CASR: variants seen among roughly 807,000 people sequenced by gnomAD.
The protein encoded by CASR is calcium sensing receptor, also known as extracellular calcium-sensing receptor.
CASR carries 23 observed loss-of-function variants against 69.1 expected under a neutral mutation model. The ratio of observed to expected loss-of-function variants is 0.33; its 90% confidence interval spans 0.24 to 0.47. The LOEUF (loss-of-function observed/expected upper bound fraction) is 0.47, where lower values mean the gene tolerates loss of function less well. Ranked by LOEUF, CASR falls within the 20% of genes least tolerant of loss-of-function variation. The pLI is 1.00. For synonymous variants in CASR, 541 were observed against 544.7 expected (o/e 0.99, Z 0.10); for missense variants, 924 against 1,356.1 (o/e 0.68, Z 5.00).
chr3:122,284,784 C>T lies in CASR; in HGVS notation c.2830C>T (p.Gln944Ter). The change falls in exon 7 of 7, where the codon CAG becomes TAG. Residue 944 changes from glutamine to a stop codon, truncating the protein, a stop_gained. Transcript: ENST00000639785. LOFTEE classifies it low-confidence loss of function (END_TRUNC). ...GCTGGCCCTAACCCAGCAAGAGCAG[C>T]AGCAGCAGCCCCTGACCCTCCCACA... ...QPLALTQQEQ[Q>*]QQPLTLPQQQ... 6.2e-7 allele frequency: 1 copy of T among 1,614,164 alleles called. No individual in the cohort carries two copies. Among genetic ancestry groups the T allele is most frequent in the Non-Finnish European group, 8.5e-7 (1 of 1,180,026 alleles).
chr3:122,188,239 G>A (rs777394272), intron 1 of CASR, among the ~76,000 whole-genome samples: 23 of 152,166 alleles, frequency 1.5e-4, no homozygotes, highest in Non-Finnish European at 2.8e-4. Flanking sequence ...GAACCATGGC[G>A]GTCATGGCAG....
At chr3:122,252,336 GAA>G (rs1302920422) in intron 1 of CASR, among the ~76,000 whole-genome samples, 1 of 36,032 alleles carries the variant, frequency 2.8e-5, no homozygotes, top group Non-Finnish European at 6.0e-5. Context: ...GAAAGAGAGA[GAA>G]AGAAAGAAGA....
intron 5 of CASR, among the ~76,000 whole-genome samples, chr3:122,279,706 C>T (rs778163536): frequency 6.6e-6 from 1 of 152,170 alleles, no homozygotes; most frequent in Non-Finnish European, 1.5e-5. Flanking sequence ...GTTTTAACCT[C>T]TCAGGTTAAA....
chr3:122,275,922 C>A lies in CASR; in HGVS notation c.1488C>A (p.Leu496=). 2 of 1,613,898 alleles carry A rather than the reference C, an allele frequency of 1.2e-6. No individual in the cohort carries two copies. Among genetic ancestry groups the A allele is most frequent in the Non-Finnish European group, 1.7e-6 (2 of 1,179,754 alleles). Residue 496 remains leucine, a synonymous_variant, in exon 5 of 7, where the codon CTC becomes CTA. Transcript: ENST00000639785. ...VGNYSIINWH[L]SPEDGSIVFK... is the part of the protein sequence containing the mutation. ...ACTATTCCATCATCAACTGGCACCT[C>A]TCCCCAGAGGATGGCTCCATCGTGT...
chr3:122,185,465 G>T (rs2073769442), intron 1 of CASR, among the ~76,000 whole-genome samples: 1 of 152,206 alleles, frequency 6.6e-6, no homozygotes. Flanking sequence ...AATTATCCCA[G>T]AGATTTGAAG....
At chr3:122,252,175 T>C (rs1045780165) in intron 1 of CASR, among the ~76,000 whole-genome samples, 2 of 151,508 alleles carry the variant, frequency 1.3e-5, no homozygotes, top group African/African-American at 4.8e-5. Flanking sequence ...AGCATGTGTT[T>C]GTAGTCCCAG....
chr3:122,259,907 GA>G (rs1277422312), intron 3 of CASR, among the ~76,000 whole-genome samples: 1 of 152,180 alleles, frequency 6.6e-6, no homozygotes, highest in Non-Finnish European at 1.5e-5. Context: ...AATGGTGAAA[GA>G]TATTAAAAAG....
chr3:122,284,803 T>C lies in CASR; in HGVS notation c.2849T>C (p.Leu950Pro), dbSNP rs753866409. 3.7e-6 allele frequency: 6 copies of C among 1,613,772 alleles called. No homozygotes were observed. The highest frequency in any genetic ancestry group is 8.5e-7 in the Non-Finnish European group (1 of 1,180,000). ...QQEQQQQPLTLPQQQRSQQQP... is the reference protein window; with the variant it reads ...QQEQQQQPLTPPQQQRSQQQP... ...GAGCAGCAGCAGCAGCCCCTGACCC[T>C]CCCACAGCAGCAACGATCTCAGCAG... Residue 950 changes from leucine (L) to proline (P), a missense_variant, in exon 7 of 7, where the codon CTC becomes CCC. By Grantham distance (98) the Leu-to-Pro change is moderately conservative. Around this residue, in one of 8 missense-constraint regions of CASR, gnomAD observed 201 missense variants for 228.8 expected, o/e 0.88. Coordinates refer to ENST00000639785, the MANE Select transcript of CASR (RefSeq NM_000388.4).
At chr3:122,186,655 A>G (rs905952115) in intron 1 of CASR, among the ~76,000 whole-genome samples, 1 of 152,216 alleles carries the variant, frequency 6.6e-6, no homozygotes, top group Non-Finnish European at 1.5e-5. Context: ...AAACTAAGAT[A>G]AACTGTCTGA....
At chr3:122,187,502 A>C (rs1465768986) in intron 1 of CASR, among the ~76,000 whole-genome samples, 1 of 152,244 alleles carries the variant, frequency 6.6e-6, no homozygotes, top group Non-Finnish European at 1.5e-5. Context: ...AGTTCATAGA[A>C]GTCTGAGAGG....
chr3:122,214,035 A>G (rs999221432), intron 1 of CASR, among the ~76,000 whole-genome samples: 1 of 152,208 alleles, frequency 6.6e-6, no homozygotes, highest in Non-Finnish European at 1.5e-5. Context: ...GAAAACTCCA[A>G]GGTGACTGCT....
In CASR at chr3:122,211,429, C is replaced by T. The variant is rs139700826; in HGVS notation, c.-243+27617C>T. 1.3e-3 allele frequency among the ~76,000 whole-genome samples: 199 copies of T among 152,268 alleles called. 1 individual carries two copies. Among genetic ancestry groups the T allele is most frequent in the African/African-American group, 4.3e-3 (180 of 41,570 alleles). ...CCCATTAAAAAGTAGGCAAAGGGGC[C>T]AGGCACAGGGGCTCACACATGTAAT... On this transcript the variant is annotated intron_variant, in intron 1 of 6. Transcript: ENST00000639785.
At chr3:122,248,036 A>T (rs566658565) in intron 1 of CASR, among the ~76,000 whole-genome samples, 2 of 152,158 alleles carry the variant, frequency 1.3e-5, no homozygotes, top group East Asian at 3.8e-4. Flanking sequence ...TGTCAGGGAG[A>T]TGGAGGGCAA....
At chr3:122,214,399 C>T (rs75506885) in intron 1 of CASR, among the ~76,000 whole-genome samples, 53 of 152,228 alleles carry the variant, frequency 3.5e-4, no homozygotes, top group Non-Finnish European at 6.9e-4. Context: ...CCTCCTAATC[C>T]GCAGTCCAGA....
At chr3:122,216,648 GAA>G (rs1043065101) in intron 1 of CASR, among the ~76,000 whole-genome samples, 2 of 152,308 alleles carry the variant, frequency 1.3e-5, no homozygotes, top group African/African-American at 4.8e-5. Context: ...AATAGTGGTT[GAA>G]AGGACTAAAC....
intron 4 of CASR, among the ~76,000 whole-genome samples, chr3:122,273,106 C>G (rs1216879434): frequency 6.6e-6 from 1 of 152,158 alleles, no homozygotes; most frequent in Non-Finnish European, 1.5e-5. Context: ...TGTTAAGAAC[C>G]AAGGAACTGA....
At chr3:122,240,256 A>T (rs1445380772) in intron 1 of CASR, among the ~76,000 whole-genome samples, 1 of 152,198 alleles carries the variant, frequency 6.6e-6, no homozygotes, top group Admixed American at 6.5e-5. Context: ...TGCTGAAGAA[A>T]CAAGACCCAA....
At position 122,257,477 on chromosome 3, in the gene CASR, A is replaced by G. The variant is rs535022941; in HGVS notation, c.492+90A>G. The G allele has an allele frequency of 4.2e-5, 38 of 910,008 alleles. 1 individual carries two copies. Among genetic ancestry groups the G allele is most frequent in the South Asian group, 3.0e-4 (20 of 66,570 alleles). The allele number at this position is 910,008 out of a possible 1,614,324, so 56.4% of individuals were successfully genotyped here. A position where few individuals can be genotyped will look rare whatever the true frequency, so the allele number is the denominator to read the frequency against. ...ATGCCCAATAGCCATACGGTTTACC[A>G]TATTCCCATCTCTGGCACAAAAGAC... On this transcript the variant is annotated intron_variant, in intron 3 of 6. Transcript: ENST00000639785.
intron 1 of CASR, among the ~76,000 whole-genome samples, chr3:122,185,632 C>T (rs1389104875): frequency 6.6e-6 from 1 of 152,206 alleles, no homozygotes; most frequent in Non-Finnish European, 1.5e-5. Flanking sequence ...CTTAACACCA[C>T]AGTAGTTCCT....
Sources: gnomAD v4.1 joint callset for allele counts (sites outside exome capture counted in the v4.1 genomes callset) on GRCh38, gnomAD v4.1.1 for gene constraint, gnomAD v4.1.1 regional missense constraint, MANE v1.5 for transcripts, NCBI Gene and HGNC (gene_info 2026-07-23, HGNC 2026-07-21) for gene names.